ZSCAN31: variants seen among roughly 807,000 people sequenced by gnomAD.
The protein encoded by ZSCAN31 is zinc finger and SCAN domain containing 31, also known as zinc finger and SCAN domain-containing protein 31.
ZSCAN31 carries 14 observed loss-of-function variants against 22.5 expected under a neutral mutation model. That is an observed-to-expected ratio of 0.62 (90% CI 0.41 to 0.97). The LOEUF is 0.97. Ranked by LOEUF, ZSCAN31 falls within the 50% of genes least tolerant of loss-of-function variation. ZSCAN31 has a pLI of 0.00. For synonymous variants in ZSCAN31, 168 were observed against 169.8 expected (o/e 0.99, Z 0.08); for missense variants, 424 against 483.4 (o/e 0.88, Z 1.15).
rs575865828 is a variant in ZSCAN31 at position 28,351,398 on chromosome 6, G to A, written c.-371+2464C>T. On this transcript the variant is annotated intron_variant, in intron 2 of 7. Coordinates refer to the ZSCAN31 transcript ENST00000396838. This position sits in a 1 kb window ranked among gnomAD's most constrained non-coding sequence, Gnocchi z 4.6. ...CTGGGTTGGGCTGTGGCTCTCTCTC[G>A]CCTTCCTTGACCCTACCTTAATGCT... Among the ~76,000 whole-genome samples, 23 of 152,170 alleles carry A rather than the reference G, an allele frequency of 1.5e-4. No homozygotes were observed. Among genetic ancestry groups the A allele is most frequent in the Non-Finnish European group, 3.2e-4 (22 of 68,012 alleles).
chr6:28,350,401 G>T (rs1193437632), intron 2 of ZSCAN31: 1 of 152,220 alleles, frequency 6.6e-6, no homozygotes, highest in Non-Finnish European at 1.5e-5. Flanking sequence ...CAGTTTCAAG[G>T]TCTTTAAATT....
chr6:28,326,902 A>G lies in ZSCAN31; in HGVS notation c.533-48T>C, dbSNP rs568210748. 10 of 1,451,542 alleles carry G rather than the reference A, an allele frequency of 6.9e-6. No individual in the cohort carries two copies. The East Asian group carries it at 2.0e-4, about 30-fold the overall frequency. The allele number at this position is 1,451,542 out of a possible 1,614,324, so 89.9% of individuals were successfully genotyped here. A position where few individuals can be genotyped will look rare whatever the true frequency, so the allele number is the denominator to read the frequency against. On this transcript the variant is annotated intron_variant, in intron 3 of 3. Transcript: ENST00000344279. ...CAATGTAATCTCTTTCCTTTATGAA[A>G]GAATACAATCATAGGATGGAAATAG...
rs538359908 is a variant in ZSCAN31, at chr6:28,325,891, C to G, written c.*275G>C. 3.4e-6 allele frequency: 1 copy of G among 297,352 alleles called. No individual in the cohort carries two copies. The highest frequency in any genetic ancestry group is 5.8e-5 in the East Asian group (1 of 17,358). The allele number at this position is 297,352 out of a possible 1,614,324, so 18.4% of individuals were successfully genotyped here. A position where few individuals can be genotyped will look rare whatever the true frequency, so the allele number is the denominator to read the frequency against. On this transcript the variant is annotated 3_prime_UTR_variant, in exon 4 of 4. Transcript: ENST00000344279. The stretch of plus-strand genomic sequence containing the variant: ...GAAATCATAAGAAATGGACCAAAGG[C>G]TAGGGAATAAGAAGGCCACCCAGCA...
intron 1 of ZSCAN31, among the ~76,000 whole-genome samples, chr6:28,332,576 A>G (rs1763839790): frequency 6.6e-6 from 1 of 152,270 alleles, no homozygotes; most frequent in Non-Finnish European, 1.5e-5. Flanking sequence ...GGCCCATAGC[A>G]ATCATTACAT....
rs1478099425 is a variant in ZSCAN31, at chr6:28,351,329, C to T, written c.-371+2533G>A. Among the ~76,000 whole-genome samples the T allele has an allele frequency of 2.0e-5, 3 of 152,286 alleles. No homozygotes were observed. Among genetic ancestry groups the T allele is most frequent in the African/African-American group, 7.2e-5 (3 of 41,550 alleles). ...CCTGCCATAGACTTCCTCCCTTCCC[C>T]ACCGTGGACACCCTCCTCATTCCAC... On this transcript the variant is annotated intron_variant, in intron 2 of 7. Coordinates refer to the ZSCAN31 transcript ENST00000396838. The surrounding 1 kb of genome is among the most constrained non-coding windows in gnomAD (Gnocchi z 4.6).
At chr6:28,334,721 A>G (rs1283678107) in intron 1 of ZSCAN31, among the ~76,000 whole-genome samples, 1 of 152,218 alleles carries the variant, frequency 6.6e-6, no homozygotes, top group Non-Finnish European at 1.5e-5. Flanking sequence ...ACTCAACTAC[A>G]TGCAGTGAGT....
In ZSCAN31 at chr6:28,349,652, G is replaced by C. The variant is rs191156734; in HGVS notation, c.-371+4210C>G. On this transcript the variant is annotated intron_variant, in intron 2 of 7. Transcript: ENST00000396838. This position sits in a 1 kb window ranked among gnomAD's most constrained non-coding sequence, Gnocchi z 4.1. ...AGTTTCTGACCGTTCACCTCTCGTAGGTAACCACCATTATTAATTTTCCGA... is the reference window on the plus strand; with the variant it reads ...AGTTTCTGACCGTTCACCTCTCGTACGTAACCACCATTATTAATTTTCCGA... Among the ~76,000 whole-genome samples the C allele has an allele frequency of 1.5e-3, 234 of 152,194 alleles. No individual in the cohort carries two copies. The highest frequency in any genetic ancestry group is 2.5e-3 in the Non-Finnish European group (173 of 68,016).
upstream of ZSCAN31, chr6:28,355,230 T>C (rs1765343020): frequency 6.6e-6 from 1 of 152,174 alleles, no homozygotes. Flanking sequence ...TTAGCATACT[T>C]TGCTGTTCCA....
chr6:28,353,562 C>A, intron 2 of ZSCAN31: 1 of 251,292 alleles, frequency 4.0e-6, no homozygotes, highest in Non-Finnish European at 8.1e-6. Context: ...CTAGATAATA[C>A]CATACTGAGG....
chr6:28,345,078 G>A (rs1429876637), intron 2 of ZSCAN31, among the ~76,000 whole-genome samples: 1 of 148,948 alleles, frequency 6.7e-6, no homozygotes, highest in Non-Finnish European at 1.5e-5. Context: ...CTAGGAGGCA[G>A]AGGTTGCAGT....
chr6:28,338,049 TTAAA>T (rs144116966), upstream of ZSCAN31, among the ~76,000 whole-genome samples: 15,076 of 148,958 alleles, frequency 0.1, 1,100 homozygotes, highest in East Asian at 0.31. Flanking sequence ...GTCTCCAAAA[TTAAA>T]TAAATAAATA....
intron 2 of ZSCAN31, among the ~76,000 whole-genome samples, chr6:28,343,460 C>T (rs1764500599): frequency 6.6e-6 from 1 of 151,802 alleles, no homozygotes; most frequent in African/African-American, 2.4e-5. Flanking sequence ...CAGTTAACTA[C>T]TGCAAACTCA....
rs1763777458 is a variant in ZSCAN31 at position 28,331,883 on chromosome 6, G to A, written c.-95-2105C>T. Among the ~76,000 whole-genome samples the A allele has an allele frequency of 6.6e-6, 1 of 152,162 alleles. No individual in the cohort carries two copies. Among genetic ancestry groups the A allele is most frequent in the Non-Finnish European group, 1.5e-5 (1 of 68,020 alleles). On this transcript the variant is annotated intron_variant, in intron 1 of 3. Coordinates refer to ENST00000344279, the MANE Select transcript of ZSCAN31 (RefSeq NM_030899.5). The surrounding 1 kb of genome is among the most constrained non-coding windows in gnomAD (Gnocchi z 4.8). ...TCACATACCCAAAGCCACAGGTGGAGTATTTCTCCATCAATTGTATTCTTC... is the reference window on the plus strand; with the variant it reads ...TCACATACCCAAAGCCACAGGTGGAATATTTCTCCATCAATTGTATTCTTC...
At chr6:28,348,882 G>A (rs1033053359) in intron 2 of ZSCAN31, among the ~76,000 whole-genome samples, 2 of 151,126 alleles carry the variant, frequency 1.3e-5, no homozygotes, top group African/African-American at 4.9e-5. Context: ...TCATATACAG[G>A]TGTATACACA....
chr6:28,327,329 C>T (rs988158021), intron 3 of ZSCAN31, 54 bp downstream of exon 3: 13 of 1,594,822 alleles, frequency 8.2e-6, no homozygotes, highest in Admixed American at 5.2e-5. Flanking sequence ...TCTTAACTAT[C>T]GCCCTATATA....
In ZSCAN31 at chr6:28,326,101, T is replaced by C; in HGVS notation, c.*65A>G. ...AATTAGTCCAGTTCTGCTGGAACAG[T>C]ATGGATTCTAAAATGCCTAATAAGG... On this transcript the variant is annotated 3_prime_UTR_variant, in exon 4 of 4. Transcript: ENST00000344279. 4 of 1,434,134 alleles carry C rather than the reference T, an allele frequency of 2.8e-6. No homozygotes were observed. Among genetic ancestry groups the C allele is most frequent in the Non-Finnish European group, 3.8e-6 (4 of 1,053,946 alleles). 88.8% of individuals were successfully genotyped at this position (1,434,134 alleles called of 1,614,324 possible).
Position 28,329,335 on chromosome 6 carries a change from G to A in ZSCAN31, c.349C>T (p.Leu117=). 1 of 1,601,400 alleles carries A rather than the reference G, an allele frequency of 6.2e-7. No individual in the cohort carries two copies. Among genetic ancestry groups the A allele is most frequent in the South Asian group, 1.1e-5 (1 of 89,614 alleles). ...GEEAVAVVED[L]EQELSEPGNQ... Reference sequence around the variant, plus strand: ...CCTGGCTCACTAAGCTCTTGTTCCAGATCTTCAACTACAGCCACAGCCTCC... The same window carrying A: ...CCTGGCTCACTAAGCTCTTGTTCCAAATCTTCAACTACAGCCACAGCCTCC... Residue 117 remains leucine, a synonymous_variant, in exon 2 of 4, where the codon CTG becomes TTG. Coordinates refer to ENST00000344279, the MANE Select transcript of ZSCAN31 (RefSeq NM_030899.5).
rs1274791335 is a variant in ZSCAN31 at position 28,349,348 on chromosome 6, C to T, written c.-371+4514G>A. Among the ~76,000 whole-genome samples, 1 of 151,910 alleles carries T rather than the reference C, an allele frequency of 6.6e-6. No homozygotes were observed. Among genetic ancestry groups the T allele is most frequent in the African/African-American group, 2.4e-5 (1 of 41,356 alleles). ...AAGTATTTGCTTCTGTGATAGATGT[C>T]TTTTAAAAATTCTATTTTTATAATT... On this transcript the variant is annotated intron_variant, in intron 2 of 7. Coordinates refer to the ZSCAN31 transcript ENST00000396838. This position sits in a 1 kb window ranked among gnomAD's most constrained non-coding sequence, Gnocchi z 4.1.
chr6:28,327,856 A>C (rs375124885), intron 2 of ZSCAN31, among the ~76,000 whole-genome samples: 56 of 152,302 alleles, frequency 3.7e-4, no homozygotes, highest in African/African-American at 4.3e-4. Flanking sequence ...CGTAAAAAGT[A>C]TCAGAGAATC....
Sources: allele counts gnomAD v4.1 joint callset (sites outside exome capture counted in the v4.1 genomes callset), GRCh38; gene constraint gnomAD v4.1.1; non-coding constraint Gnocchi (gnomAD v3.1); transcripts MANE v1.5; gene names NCBI Gene and HGNC (gene_info 2026-07-23, HGNC 2026-07-21).